The following SYN3 variants were observed in gnomAD, a reference collection of about 807,000 sequenced individuals.
SYN3 encodes synapsin-3.
Under a neutral mutation model 65.8 loss-of-function variants are expected in SYN3, and 35 were observed. The observed-to-expected ratio is 0.53, with a 90% CI of 0.41 to 0.70. SYN3 has a LOEUF of 0.70. Among genes scored for constraint, SYN3 ranks in the 30% least tolerant of loss-of-function variants. The probability of loss-of-function intolerance (pLI) is 0.00; values close to 1 mark genes in which losing one functional copy is unlikely to be tolerated. For missense variants in SYN3, 680 were observed against 749.0 expected, an observed-to-expected ratio of 0.91 and a Z score of 1.08; for synonymous variants, 270 against 292.9, an observed-to-expected ratio of 0.92 and a Z score of 0.80.
chr22:32,888,720 A>G (rs1409522183), intron 4 of SYN3, among the ~76,000 whole-genome samples: 1 of 152,136 alleles, frequency 6.6e-6, no homozygotes, highest in Middle Eastern at 3.2e-3. Flanking sequence ...AAAACCTGAA[A>G]TCTGAAATGC....
At chr22:32,625,671 A>T (rs2059656011) in intron 6 of SYN3, among the ~76,000 whole-genome samples, 2 of 152,136 alleles carry the variant, frequency 1.3e-5, no homozygotes, top group African/African-American at 4.8e-5. Flanking sequence ...CCTGGCTGTG[A>T]CTTCCAAGAC....
At chr22:32,998,703 AT>A (rs1435446589) in intron 2 of SYN3, among the ~76,000 whole-genome samples, 1 of 122,318 alleles carries the variant, frequency 8.2e-6, no homozygotes, top group East Asian at 2.7e-4. Flanking sequence ...TGTCTTTTTT[AT>A]TTTTTGGGTC....
chr22:32,717,077 A>T (rs183247146), intron 6 of SYN3, among the ~76,000 whole-genome samples: 3 of 152,096 alleles, frequency 2.0e-5, no homozygotes, highest in Admixed American at 6.5e-5. Flanking sequence ...AGAAACTTAC[A>T]TATATCAACT....
At chr22:32,931,153 G>A (rs2050616384) in intron 4 of SYN3, 1 of 418,782 alleles carries the variant, frequency 2.4e-6, no homozygotes, top group Non-Finnish European at 4.4e-6. Flanking sequence ...GCCAGAAATG[G>A]AACCCAAGTC....
intron 7 of SYN3, among the ~76,000 whole-genome samples, chr22:32,551,592 T>A (rs1304863217): frequency 6.6e-6 from 1 of 151,380 alleles, no homozygotes; most frequent in African/African-American, 2.4e-5. Flanking sequence ...ATACTAACCA[T>A]GTGAATATGA....
intron 6 of SYN3, among the ~76,000 whole-genome samples, chr22:32,774,098 G>A (rs1390141661): frequency 1.3e-5 from 2 of 152,092 alleles, no homozygotes. Context: ...GGAGGGTCTT[G>A]ATGGGATAGC....
At chr22:32,918,631 G>C (rs900603250) in intron 4 of SYN3, among the ~76,000 whole-genome samples, 3 of 152,230 alleles carry the variant, frequency 2.0e-5, no homozygotes, top group African/African-American at 7.2e-5. Context: ...AGAGAGTGCG[G>C]ACAGCACGGT....
intron 10 of SYN3, among the ~76,000 whole-genome samples, chr22:32,530,595 T>C (rs1398023587): frequency 2.6e-5 from 4 of 151,586 alleles, no homozygotes; most frequent in East Asian, 3.9e-4. Context: ...TTTTTTTTTT[T>C]CTCAACAGTG....
chr22:33,011,165 G>T (rs1302833528), intron 1 of SYN3, among the ~76,000 whole-genome samples: 2 of 152,136 alleles, frequency 1.3e-5, no homozygotes, highest in Non-Finnish European at 2.9e-5. Context: ...TCTTAGGGGG[G>T]AAACACTCAG....
At chr22:32,570,156 C>T (rs2058739730) in intron 7 of SYN3, among the ~76,000 whole-genome samples, 1 of 152,094 alleles carries the variant, frequency 6.6e-6, no homozygotes, top group African/African-American at 2.4e-5. Context: ...AACCTCCCTC[C>T]ACACACACTG....
chr22:32,705,687 G>A (rs529322510), intron 6 of SYN3, among the ~76,000 whole-genome samples: 35 of 152,292 alleles, frequency 2.3e-4, no homozygotes, highest in African/African-American at 6.5e-4. Flanking sequence ...CAATCCATGA[G>A]CATGGAATAT....
intron 1 of SYN3, among the ~76,000 whole-genome samples, chr22:33,016,155 T>G (rs756676688): frequency 1.6e-4 from 24 of 152,340 alleles, no homozygotes; most frequent in Non-Finnish European, 3.4e-4. Context: ...CACAAAATAA[T>G]TTCTTACACA....
At chr22:32,681,230 G>A (rs718810) in intron 6 of SYN3, among the ~76,000 whole-genome samples, 28,954 of 151,936 alleles carry the variant, frequency 0.19, 4,348 homozygotes, top group East Asian at 0.61. Flanking sequence ...ATTTGGCAAC[G>A]TCTGGAGACA....
At position 32,509,118 on chromosome 22, in the gene SYN3, C is replaced by G. The variant is rs965482570; in HGVS notation, c.*4574G>C. Among the ~76,000 whole-genome samples, 2 of 152,210 alleles carry G rather than the reference C, an allele frequency of 1.3e-5. No homozygotes were observed. The highest frequency in any genetic ancestry group is 4.8e-5 in the African/African-American group (2 of 41,452). ...AGGATATGCCACTGTTCCTGGAAAGCTGATTTTACATTTAACCAAAGTACG... is the reference window on the plus strand; with the variant it reads ...AGGATATGCCACTGTTCCTGGAAAGGTGATTTTACATTTAACCAAAGTACG... On this transcript the variant is annotated 3_prime_UTR_variant, in exon 14 of 14. Coordinates refer to ENST00000358763, the MANE Select transcript of SYN3 (RefSeq NM_003490.4).
chr22:32,979,631 G>A lies in SYN3; in HGVS notation c.369+1014C>T, dbSNP rs143502700. 1.7e-4 allele frequency among the ~76,000 whole-genome samples: 26 copies of A among 152,272 alleles called. No individual in the cohort carries two copies. In the East Asian group the frequency reaches 4.8e-3, roughly 28 times the overall value. Reference sequence around the variant, plus strand: ...TGTTTGCCTTTGATGATGAGGAGGAGGAGGAGTAGGAAGAGGATAAAGAAT... The same window carrying A: ...TGTTTGCCTTTGATGATGAGGAGGAAGAGGAGTAGGAAGAGGATAAAGAAT... On this transcript the variant is annotated intron_variant, in intron 3 of 13. Transcript: ENST00000358763.
chr22:32,706,774 C>T (rs140506502), intron 6 of SYN3, among the ~76,000 whole-genome samples: 240 of 152,362 alleles, frequency 1.6e-3, no homozygotes, highest in African/African-American at 4.4e-3. Flanking sequence ...CATATGTACC[C>T]CACTGTTTTC....
intron 6 of SYN3, among the ~76,000 whole-genome samples, chr22:32,863,914 A>G (rs1321388258): frequency 6.6e-6 from 1 of 152,142 alleles, no homozygotes; most frequent in Admixed American, 6.5e-5. Flanking sequence ...GGGTTTGGGG[A>G]TATGCTGGGT....
chr22:32,929,131 AATT>A, intron 4 of SYN3, among the ~76,000 whole-genome samples: 1 of 152,212 alleles, frequency 6.6e-6, no homozygotes, highest in Middle Eastern at 3.4e-3. Flanking sequence ...AAAAATACAA[AATT>A]AGCCTGGTGT....
intron 7 of SYN3, among the ~76,000 whole-genome samples, chr22:32,569,565 C>CTGTATATA (rs1190028295): frequency 1.8e-5 from 1 of 56,384 alleles, no homozygotes; most frequent in African/African-American, 5.3e-5. Flanking sequence ...CTCTCTCTCT[C>CTGTATATA]TCTCTCTATA....
Sources: gnomAD v4.1 joint callset for allele counts (sites outside exome capture counted in the v4.1 genomes callset) on GRCh38, gnomAD v4.1.1 for gene constraint, MANE v1.5 for transcripts, NCBI Gene and HGNC (gene_info 2026-07-23, HGNC 2026-07-21) for gene names.